PHKA2: variants seen among roughly 807,000 people sequenced by gnomAD.
PHKA2 encodes phosphorylase b kinase regulatory subunit alpha, liver isoform.
In PHKA2, 31 loss-of-function variants were observed where a neutral mutation model predicts 102.0. That is an observed-to-expected ratio of 0.30 (90% CI 0.23 to 0.41). The LOEUF (loss-of-function observed/expected upper bound fraction) is 0.41, where lower values mean the gene tolerates loss of function less well. Among genes scored for constraint, PHKA2 ranks in the 10% least tolerant of loss-of-function variants. The pLI is 1.00. For synonymous variants in PHKA2, 455 were observed against 416.2 expected, an observed-to-expected ratio of 1.09 and a Z score of -1.13; for missense variants, 858 against 1,023.1, an observed-to-expected ratio of 0.84 and a Z score of 2.20.
intron 5 of PHKA2, among the ~76,000 whole-genome samples, chrX:18,947,179 C>G (rs775067355): frequency 1.1e-4 from 12 of 112,204 alleles, no homozygotes; most frequent in Non-Finnish European, 1.9e-4. Context: ...GCTACAAAGG[C>G]AGAGCCAAGT....
In PHKA2 at chrX:18,907,122, G is replaced by A. The variant is rs1440874205; in HGVS notation, c.2518-25C>T. Reference sequence around the variant, plus strand: ...CCTGCGCAGTTAAGGGGAAGGGTGAGAGGCAGAGCGCGAGAGAGATACTGG... The same window carrying A: ...CCTGCGCAGTTAAGGGGAAGGGTGAAAGGCAGAGCGCGAGAGAGATACTGG... On this transcript the variant is annotated intron_variant, in intron 22 of 32. Coordinates refer to ENST00000379942, the MANE Select transcript of PHKA2 (RefSeq NM_000292.3). 3 of 1,096,871 alleles carry A rather than the reference G, an allele frequency of 2.7e-6. No individual in the cohort carries two copies. In the South Asian group the frequency reaches 5.8e-5, roughly 21 times the overall value. The allele number at this position is 1,096,871 out of a possible 1,213,427, so 90.4% of individuals were successfully genotyped here.
intron 1 of PHKA2, among the ~76,000 whole-genome samples, chrX:18,967,582 A>G (rs1344199460): frequency 9.2e-6 from 1 of 108,401 alleles, no homozygotes; most frequent in Non-Finnish European, 1.9e-5. Flanking sequence ...GTCTCTATCC[A>G]TTAGAAAATT....
In PHKA2 at chrX:18,926,767, AC is replaced by A. The variant is rs2048217620; in HGVS notation, c.1325-181del. Reference sequence around the variant, plus strand: ...TGCTCCTCCCCATTCTGTCCTTGCCACCCCTCAACAACCTCAACGCCTATTT... The same window carrying A: ...TGCTCCTCCCCATTCTGTCCTTGCCACCCTCAACAACCTCAACGCCTATTT... On this transcript the variant is annotated intron_variant, in intron 13 of 32. Transcript: ENST00000379942. Among the ~76,000 whole-genome samples, 3 of 111,015 alleles carry A rather than the reference AC, an allele frequency of 2.7e-5. 1 individual carries two copies. In the Admixed American group the frequency reaches 2.9e-4, roughly 11 times the overall value.
chrX:18,930,649 C>T (rs1044917292), intron 12 of PHKA2, among the ~76,000 whole-genome samples: 2 of 111,405 alleles, frequency 1.8e-5, no homozygotes, highest in African/African-American at 6.5e-5. Flanking sequence ...TAGTGAGAGA[C>T]AGGGCTGGCT....
intron 8 of PHKA2, among the ~76,000 whole-genome samples, chrX:18,940,551 C>G (rs923437430): frequency 8.9e-6 from 1 of 111,937 alleles, no homozygotes; most frequent in Non-Finnish European, 1.9e-5. Flanking sequence ...TTAGGACTGT[C>G]GCTGCTGGTT....
intron 19 of PHKA2, among the ~76,000 whole-genome samples, chrX:18,916,665 CTT>C (rs1054992540): frequency 1.8e-5 from 2 of 110,983 alleles, no homozygotes. Context: ...ACCACTCTCT[CTT>C]GTTCCTACTG....
chrX:18,905,819 G>T lies in PHKA2; in HGVS notation c.2847C>A (p.Phe949Leu). Residue 949 changes from phenylalanine (F) to leucine (L), a missense_variant, in exon 26 of 33, where the codon TTC (phenylalanine) becomes TTA (leucine). Phe to Leu is a conservative substitution (Grantham distance 22). Around this residue, in one of 2 missense-constraint regions of PHKA2, gnomAD observed 671 missense variants for 745.2 expected, o/e 0.90. Coordinates refer to ENST00000379942, the MANE Select transcript of PHKA2 (RefSeq NM_000292.3). ...TATGGTGCAGGAGATTTTTCATATC[G>T]AAAGGGCTGAGGTTCATCAAACTTT... ...ASESLMNLSP[F>L]DMKNLLHHIL... 8.3e-7 allele frequency: 1 copy of T among 1,206,853 alleles called. No homozygotes were observed.
intron 1 of PHKA2, among the ~76,000 whole-genome samples, chrX:18,982,419 G>A (rs1372459758): frequency 8.9e-6 from 1 of 112,459 alleles, no homozygotes; most frequent in South Asian, 3.6e-4. Flanking sequence ...TGATGAAGGG[G>A]TGCTGCCCAG....
At chrX:18,928,474 T>C (rs1028633554) in intron 13 of PHKA2, among the ~76,000 whole-genome samples, 18 of 112,308 alleles carry the variant, frequency 1.6e-4, no homozygotes, top group African/African-American at 5.8e-4. Flanking sequence ...GGCCTTGTCA[T>C]TAAGAAGTGT....
intron 11 of PHKA2, among the ~76,000 whole-genome samples, chrX:18,935,199 T>G (rs2048374893): frequency 8.9e-6 from 1 of 112,185 alleles, no homozygotes; most frequent in South Asian, 3.6e-4. Flanking sequence ...CCATGAGATA[T>G]TGACAGACAA....
At chrX:18,961,620 A>G (rs902350611) in intron 1 of PHKA2, among the ~76,000 whole-genome samples, 1 of 97,360 alleles carries the variant, frequency 1.0e-5, no homozygotes, top group Non-Finnish European at 2.0e-5. Context: ...ACGGTGCCAC[A>G]CTGCACTCCA....
intron 7 of PHKA2, among the ~76,000 whole-genome samples, chrX:18,941,977 G>A (rs1328374732): frequency 1.8e-5 from 2 of 112,365 alleles, no homozygotes; most frequent in East Asian, 2.8e-4. Flanking sequence ...GACATGTAGG[G>A]GAGGAACTAT....
rs770522102 is a variant in PHKA2 at position 18,899,216 on chromosome X, A to C, written c.3068T>G (p.Val1023Gly). Residue 1023 changes from valine to glycine, a missense_variant, in exon 29 of 33, where the codon GTG becomes GGG. Val to Gly is a moderately radical substitution (Grantham distance 109). This residue lies in a region of PHKA2 where 671 missense variants were observed against 745.2 expected (regional missense o/e 0.90). Transcript: ENST00000379942. ...CGCACTGCTGGACGCGGCCTGGCCC[A>C]CAGAAAAGAACTACAAAACAAAAAG... is the stretch of plus-strand genomic sequence containing the variant. ...RFSADEQFFS[V>G]GQAASSSAHS... 4.1e-6 allele frequency: 5 copies of C among 1,207,797 alleles called. No homozygotes were observed. The highest frequency in any genetic ancestry group is 4.5e-6 in the Non-Finnish European group (4 of 891,972).
rs1050517034 is a variant in PHKA2, at chrX:18,944,633, A to G, written c.618+445T>C. Among the ~76,000 whole-genome samples, 8 of 111,444 alleles carry G rather than the reference A, an allele frequency of 7.2e-5. No homozygotes were observed. The East Asian group carries it at 1.7e-3, about 24-fold the overall frequency. On this transcript the variant is annotated intron_variant, in intron 6 of 32. Coordinates refer to ENST00000379942, the MANE Select transcript of PHKA2 (RefSeq NM_000292.3). ...CAGGGAAAGTTTCCCAGTGTCCCCAATTCCTCCCCTGACCCCCACCTTGCT... is the reference window on the plus strand; with the variant it reads ...CAGGGAAAGTTTCCCAGTGTCCCCAGTTCCTCCCCTGACCCCCACCTTGCT...
At chrX:18,900,741 G>A in intron 27 of PHKA2, 42 bp from the exon 28 acceptor site, 1 of 1,140,541 alleles carries the variant, frequency 8.8e-7, no homozygotes. Context: ...CCAGCTTTGA[G>A]CCAAGAACGC....
chrX:18,928,961 C>T (rs1342672357), intron 13 of PHKA2, among the ~76,000 whole-genome samples: 1 of 112,541 alleles, frequency 8.9e-6, no homozygotes, highest in East Asian at 2.8e-4. Flanking sequence ...ATAAATGACG[C>T]GCAACGAATC....
At chrX:18,909,608 A>G (rs1012809419) in intron 20 of PHKA2, among the ~76,000 whole-genome samples, 2 of 112,198 alleles carry the variant, frequency 1.8e-5, no homozygotes, top group Non-Finnish European at 3.8e-5. Flanking sequence ...CCCTGTGTAT[A>G]TATCTCCTAG....
intron 14 of PHKA2, 56 bp downstream of exon 14, chrX:18,926,397 T>G (rs2074072265): frequency 2.0e-6 from 2 of 1,020,287 alleles, no homozygotes; most frequent in African/African-American, 3.7e-5. Flanking sequence ...AGACCCCAAA[T>G]CTAGAACCGA....
chrX:18,957,194 G>A (rs191255822), intron 1 of PHKA2, among the ~76,000 whole-genome samples: 4 of 112,671 alleles, frequency 3.6e-5, no homozygotes, highest in Admixed American at 9.3e-5. Flanking sequence ...AAGAGCCACC[G>A]CACCCAGCCA....
Sources: gnomAD v4.1 joint callset for allele counts (sites outside exome capture counted in the v4.1 genomes callset) on GRCh38, gnomAD v4.1.1 for gene constraint, gnomAD v4.1.1 regional missense constraint, MANE v1.5 for transcripts, NCBI Gene and HGNC (gene_info 2026-07-23, HGNC 2026-07-21) for gene names.